KPNA7: variants seen among roughly 807,000 people sequenced by gnomAD.
KPNA7 encodes importin subunit alpha-8.
KPNA7 carries 54 observed loss-of-function variants against 53.7 expected under a neutral mutation model. That is an observed-to-expected ratio of 1.01 (90% CI 0.81 to 1.26). KPNA7 has a LOEUF of 1.26. Among genes scored for constraint, KPNA7 ranks in the 50% most tolerant of loss-of-function variants. The pLI is 0.00. For missense variants in KPNA7, 640 were observed against 644.5 expected, an observed-to-expected ratio of 0.99 and a Z score of 0.07; for synonymous variants, 276 against 259.3, an observed-to-expected ratio of 1.06 and a Z score of -0.62.
intron 8 of KPNA7, among the ~76,000 whole-genome samples, chr7:99,182,743 C>T (rs561519643): frequency 6.6e-6 from 1 of 152,202 alleles, no homozygotes; most frequent in South Asian, 2.1e-4. Context: ...CTCATTTGCC[C>T]ACATCAGGCC....
intron 3 of KPNA7, among the ~76,000 whole-genome samples, chr7:99,200,535 C>T (rs1182359808): frequency 6.6e-6 from 1 of 152,150 alleles, no homozygotes; most frequent in African/African-American, 2.4e-5. Context: ...CAGCCTACCA[C>T]AAAGAGTGAA....
chr7:99,183,708 AC>A (rs1370326018), intron 8 of KPNA7, among the ~76,000 whole-genome samples: 1 of 151,658 alleles, frequency 6.6e-6, no homozygotes, highest in African/African-American at 2.4e-5. Flanking sequence ...CTGCCTCCCC[AC>A]CCCCAGCCCA....
Position 99,203,128 on chromosome 7 carries a change from T to C in KPNA7, c.179A>G (p.Glu60Gly). ...GACCGCCACCCCTTTGGCTGTTTTT[T>C]CAGAAGGTGTGTCAGGGCAGAAGCT... Reference protein sequence around the residue: ...ITSFCPDTPSEKTAKGVAVSL... With the variant: ...ITSFCPDTPSGKTAKGVAVSL... Residue 60 changes from glutamate to glycine, a missense_variant, in exon 3 of 11, where the codon GAA (glutamate) becomes GGA (glycine). Transcript: ENST00000327442. The C allele has an allele frequency of 1.3e-6, 2 of 1,551,682 alleles. No homozygotes were observed. The highest frequency in any genetic ancestry group is 1.7e-6 in the Non-Finnish European group (2 of 1,146,986).
At chr7:99,202,153 C>T (rs1790570568) in intron 3 of KPNA7, among the ~76,000 whole-genome samples, 3 of 152,124 alleles carry the variant, frequency 2.0e-5, no homozygotes, top group Non-Finnish European at 2.9e-5. Flanking sequence ...GGGAACACAT[C>T]ATTGGACCCA....
intron 6 of KPNA7, among the ~76,000 whole-genome samples, chr7:99,189,487 A>G (rs1434359131): frequency 6.6e-6 from 1 of 152,108 alleles, no homozygotes; most frequent in Non-Finnish European, 1.5e-5. Flanking sequence ...CCCACCAGTA[A>G]GGAAACATAC....
At position 99,191,928 on chromosome 7, in the gene KPNA7, G is replaced by T. The variant is rs541614917; in HGVS notation, c.636+1091C>A. Among the ~76,000 whole-genome samples the T allele has an allele frequency of 5.3e-5, 8 of 152,288 alleles. No individual in the cohort carries two copies. In the South Asian group the frequency reaches 1.7e-3, roughly 32 times the overall value. On this transcript the variant is annotated intron_variant, in intron 6 of 10. Transcript: ENST00000327442. ...GCTTCCCAAATTGTTGGGATTACAG[G>T]TGTGAGCCACGGTTCCCAGATGAAG...
downstream of KPNA7, chr7:99,173,516 A>T: frequency 1.9e-6 from 1 of 516,398 alleles, no homozygotes; most frequent in Non-Finnish European, 3.4e-6. Context: ...TTAGGAGATG[A>T]ATTCCACATG....
chr7:99,161,241 CT>C, the KPNA7 span, among the ~76,000 whole-genome samples: 13 of 10,386 alleles, frequency 1.3e-3, no homozygotes, highest in African/African-American at 1.6e-3. Flanking sequence ...CTCTCTCTCT[CT>C]CTCTCTCTCT....
upstream of KPNA7, among the ~76,000 whole-genome samples, chr7:99,211,500 T>C (rs1485916534): frequency 6.6e-6 from 1 of 151,976 alleles, no homozygotes; most frequent in African/African-American, 2.4e-5. Context: ...AAGGATCGAG[T>C]CTTGAGGATG....
At chr7:99,178,520 A>C (rs1434331824) in intron 9 of KPNA7, among the ~76,000 whole-genome samples, 2 of 152,098 alleles carry the variant, frequency 1.3e-5, no homozygotes, top group East Asian at 3.9e-4. Context: ...GTGATCTGAC[A>C]TTGCGCCACT....
At chr7:99,208,768 T>C (rs1790947554), upstream of KPNA7, among the ~76,000 whole-genome samples, 1 of 152,162 alleles carries the variant, frequency 6.6e-6, no homozygotes, top group Non-Finnish European at 1.5e-5. Context: ...AGACCACCAA[T>C]GCTGGGCATA....
At chr7:99,163,379 A>AT in the KPNA7 span, among the ~76,000 whole-genome samples, 346 of 58,772 alleles carry the variant, frequency 5.9e-3, 5 homozygotes, top group African/African-American at 0.014. Flanking sequence ...ATATATATAT[A>AT]TATATTTTTT....
intron 10 of KPNA7, among the ~76,000 whole-genome samples, chr7:99,175,710 C>T (rs754967455): frequency 4.0e-5 from 6 of 151,686 alleles, no homozygotes; most frequent in South Asian, 2.1e-4. Context: ...GACAGGGTTT[C>T]GCCATGTTGG....
chr7:99,153,711 G>A, the KPNA7 span, among the ~76,000 whole-genome samples: 1 of 152,062 alleles, frequency 6.6e-6, no homozygotes, highest in African/African-American at 2.4e-5. Flanking sequence ...GCTCATGCCT[G>A]TAATCCCAGC....
At chr7:99,193,692 G>T (rs1360341616) in intron 5 of KPNA7, among the ~76,000 whole-genome samples, 1 of 151,184 alleles carries the variant, frequency 6.6e-6, no homozygotes, top group Non-Finnish European at 1.5e-5. Context: ...TGGCGGGGGA[G>T]GGGGATACAG....
At chr7:99,188,665 AC>A in intron 6 of KPNA7, 102 bp from the exon 7 acceptor site, 1 of 1,201,498 alleles carries the variant, frequency 8.3e-7, no homozygotes, top group Non-Finnish European at 1.2e-6. Context: ...ATCAGCATGA[AC>A]CAGAGCTTTT....
chr7:99,146,728 A>C, the KPNA7 span, among the ~76,000 whole-genome samples: 5 of 131,840 alleles, frequency 3.8e-5, no homozygotes, highest in African/African-American at 1.2e-4. Context: ...AAAAAAAAAA[A>C]AAAAAAAAAA....
intron 2 of KPNA7, among the ~76,000 whole-genome samples, chr7:99,206,135 T>G (rs1054012068): frequency 6.6e-6 from 1 of 152,140 alleles, no homozygotes; most frequent in African/African-American, 2.4e-5. Context: ...GAGGAAGCAA[T>G]CCAGCTCCTC....
chr7:99,152,650 T>C, the KPNA7 span, among the ~76,000 whole-genome samples: 31 of 152,208 alleles, frequency 2.0e-4, no homozygotes, highest in Non-Finnish European at 4.3e-4. Flanking sequence ...TTGGTAACTT[T>C]ATTTCTTGTA....
Sources: allele counts gnomAD v4.1 joint callset (sites outside exome capture counted in the v4.1 genomes callset), GRCh38; gene constraint gnomAD v4.1.1; transcripts MANE v1.5; gene names NCBI Gene and HGNC (gene_info 2026-07-23, HGNC 2026-07-21).